The following CSMD2 variants were observed in gnomAD, a reference collection of about 807,000 sequenced individuals.
CSMD2 encodes CUB and sushi domain-containing protein 2.
CSMD2 carries 130 observed loss-of-function variants against 398.5 expected under a neutral mutation model. The observed-to-expected ratio is 0.33, with a 90% CI of 0.28 to 0.38. CSMD2 has a LOEUF of 0.38. Among genes scored for constraint, CSMD2 ranks in the 10% least tolerant of loss-of-function variants. The pLI, the probability that CSMD2 is intolerant of heterozygous loss-of-function variation, is 1.00. For synonymous variants in CSMD2, 1,828 were observed against 1,908.5 expected, an observed-to-expected ratio of 0.96 and a Z score of 1.10; for missense variants, 3,829 against 4,764.9, an observed-to-expected ratio of 0.80 and a Z score of 5.78.
chr1:33,739,349 T>A lies in CSMD2; in HGVS notation c.2174-15A>T. The A allele has an allele frequency of 6.3e-7, 1 of 1,597,520 alleles. No individual in the cohort carries two copies. The highest frequency in any genetic ancestry group is 1.1e-5 in the South Asian group (1 of 89,516). ...GTGTCGGAAGGCTGTGTAGATGGAG[T>A]TCAAGGACATGATCAGACATTGCTG... On this transcript the variant is annotated splice_polypyrimidine_tract_variant and intron_variant, in intron 14 of 70. Coordinates refer to ENST00000373381, the MANE Select transcript of CSMD2 (RefSeq NM_001281956.2).
At chr1:33,551,447 G>A (rs1026705067) in intron 55 of CSMD2, among the ~76,000 whole-genome samples, 10 of 152,224 alleles carry the variant, frequency 6.6e-5, no homozygotes, top group African/African-American at 2.2e-4. Context: ...AGATGATAAT[G>A]TCTTGGAGTC....
intron 42 of CSMD2, among the ~76,000 whole-genome samples, chr1:33,604,513 G>A (rs1191917038): frequency 2.6e-5 from 4 of 152,216 alleles, no homozygotes; most frequent in Non-Finnish European, 5.9e-5. Flanking sequence ...GCTTAGAGAG[G>A]CAAAGGGGTT....
rs114778606 is a variant in CSMD2 at position 33,763,958 on chromosome 1, T to C, written c.1846+8611A>G. ...GCTTCTATTCTGGTTCATGGTTTCC[T>C]CTCTAGTCTCTGCTGTGAGACTGAA... On this transcript the variant is annotated intron_variant, in intron 13 of 70. Coordinates refer to ENST00000373381, the MANE Select transcript of CSMD2 (RefSeq NM_001281956.2). Among the ~76,000 whole-genome samples, 623 of 152,246 alleles carry C rather than the reference T, an allele frequency of 4.1e-3. 4 individuals are homozygous for C. Among genetic ancestry groups the C allele is most frequent in the African/African-American group, 0.014 (569 of 41,544 alleles).
intron 3 of CSMD2, among the ~76,000 whole-genome samples, chr1:33,944,328 A>G (rs1644776587): frequency 1.3e-5 from 2 of 152,028 alleles, no homozygotes; most frequent in Non-Finnish European, 2.9e-5. Flanking sequence ...GGGCTGCACC[A>G]GGGAAGGTGC....
At chr1:33,990,637 A>C (rs1266789789) in intron 3 of CSMD2, among the ~76,000 whole-genome samples, 1 of 152,144 alleles carries the variant, frequency 6.6e-6, no homozygotes, top group Non-Finnish European at 1.5e-5. Flanking sequence ...ACTTGGGAAA[A>C]ACAATGGGCT....
intron 41 of CSMD2, among the ~76,000 whole-genome samples, chr1:33,606,379 G>C (rs753315168): frequency 2.6e-5 from 4 of 152,206 alleles, no homozygotes; most frequent in Admixed American, 6.5e-5. Flanking sequence ...CATCAATAAC[G>C]CGGATCTTGA....
chr1:33,628,879 C>G (rs1179449120), intron 32 of CSMD2, among the ~76,000 whole-genome samples: 1 of 151,896 alleles, frequency 6.6e-6, no homozygotes, highest in Non-Finnish European at 1.5e-5. Context: ...CAAAGAATCA[C>G]GTTGGACCCC....
intron 1 of CSMD2, among the ~76,000 whole-genome samples, chr1:34,134,284 G>T (rs1387908956): frequency 6.6e-6 from 1 of 152,076 alleles, no homozygotes; most frequent in East Asian, 1.9e-4. Context: ...AGTCTGGAGA[G>T]GGGAAAGCCA....
chr1:33,996,057 C>G (rs530876056), intron 3 of CSMD2, among the ~76,000 whole-genome samples: 2 of 152,288 alleles, frequency 1.3e-5, no homozygotes, highest in Admixed American at 6.5e-5. Flanking sequence ...TTATTCAGAC[C>G]TCCTGCAAAT....
chr1:33,888,191 T>C (rs960069466), intron 5 of CSMD2, among the ~76,000 whole-genome samples: 1 of 152,146 alleles, frequency 6.6e-6, no homozygotes, highest in Non-Finnish European at 1.5e-5. Flanking sequence ...TCTCTCCAAA[T>C]CAATCTACAA....
intron 2 of CSMD2, among the ~76,000 whole-genome samples, chr1:34,086,562 C>G (rs902630259): frequency 1.3e-5 from 2 of 152,122 alleles, no homozygotes; most frequent in African/African-American, 4.8e-5. Flanking sequence ...AGACTGGAAT[C>G]ATCCTCATCT....
chr1:34,041,518 C>T (rs1047501636), intron 2 of CSMD2, among the ~76,000 whole-genome samples: 14 of 152,202 alleles, frequency 9.2e-5, no homozygotes, highest in Admixed American at 4.6e-4. Flanking sequence ...AATGAAAGCT[C>T]ATTTTCTTAC....
In CSMD2 at chr1:34,016,799, G is replaced by C. The variant is rs545458175; in HGVS notation, c.517+15795C>G. On this transcript the variant is annotated intron_variant, in intron 3 of 70. Coordinates refer to ENST00000373381, the MANE Select transcript of CSMD2 (RefSeq NM_001281956.2). Reference sequence around the variant, plus strand: ...GTTTACTATTTGATATAGATAGATAGATAGACAGATAGAATGATTGTATGT... The same window carrying C: ...GTTTACTATTTGATATAGATAGATACATAGACAGATAGAATGATTGTATGT... 1.9e-4 allele frequency among the ~76,000 whole-genome samples: 26 copies of C among 133,872 alleles called. 1 individual carries two copies. In the South Asian group the frequency reaches 7.7e-3, roughly 39 times the overall value. The allele number at this position is 133,872 out of a possible 152,430, so 87.8% of individuals were successfully genotyped here.
chr1:34,068,247 A>G (rs1354216518), intron 2 of CSMD2, among the ~76,000 whole-genome samples: 1 of 152,130 alleles, frequency 6.6e-6, no homozygotes, highest in Non-Finnish European at 1.5e-5. Flanking sequence ...GTCCTTCCTC[A>G]TCCTGGTCAT....
intron 22 of CSMD2, among the ~76,000 whole-genome samples, chr1:33,707,689 GCGCGCGCACACACACACACACACACA>G (rs1330469184): frequency 4.0e-5 from 5 of 126,400 alleles, no homozygotes; most frequent in South Asian, 5.3e-4. Context: ...GCACACGCGC[GCGCGCGCACACACACACACACACACA>G]CACACACACA....
rs1428940864 is a variant in CSMD2, at chr1:34,093,173, T to C, written c.188-3980A>G. On this transcript the variant is annotated intron_variant, in intron 1 of 70. Transcript: ENST00000373381. The stretch of plus-strand genomic sequence containing the variant: ...ACTGACACCTCACACTGCAGGGTAC[T>C]CCAACAGACCTGCAGCTGAGGATCC... Among the ~76,000 whole-genome samples, 4 of 152,062 alleles carry C rather than the reference T, an allele frequency of 2.6e-5. No homozygotes were observed. The South Asian group carries it at 8.3e-4, about 32-fold the overall frequency.
At chr1:34,148,767 T>C (rs1640018101) in intron 1 of CSMD2, among the ~76,000 whole-genome samples, 1 of 152,224 alleles carries the variant, frequency 6.6e-6, no homozygotes, top group South Asian at 2.1e-4. Flanking sequence ...GACGAAGGTT[T>C]GCTGGGGTCG....
At position 34,154,961 on chromosome 1, in the gene CSMD2, C is replaced by T. The variant is rs1159750862; in HGVS notation, c.187+9950G>A. Among the ~76,000 whole-genome samples, 7 of 152,098 alleles carry T rather than the reference C, an allele frequency of 4.6e-5. 1 individual carries two copies. The highest frequency in any genetic ancestry group is 1.3e-4 in the Admixed American group (2 of 15,272). On this transcript the variant is annotated intron_variant, in intron 1 of 70. Transcript: ENST00000373381. Reference sequence around the variant, plus strand: ...CAGGCTGGTCTCAAACTCCTGACCTCGTGATCTGCCTGCCTCAGCCTCCCA... The same window carrying T: ...CAGGCTGGTCTCAAACTCCTGACCTTGTGATCTGCCTGCCTCAGCCTCCCA...
chr1:33,523,554 T>C, intron 66 of CSMD2, 135 bp from the exon 67 acceptor site: 1 of 602,992 alleles, frequency 1.7e-6, no homozygotes, highest in Non-Finnish European at 3.0e-6. Context: ...TCCACATCCC[T>C]TTAAGTCGTA....
Sources: gnomAD v4.1 joint callset for allele counts (sites outside exome capture counted in the v4.1 genomes callset) on GRCh38, gnomAD v4.1.1 for gene constraint, MANE v1.5 for transcripts, NCBI Gene and HGNC (gene_info 2026-07-23, HGNC 2026-07-21) for gene names.